BRF1: variants seen among roughly 807,000 people sequenced by gnomAD.
The protein encoded by BRF1 is BRF1 general transcription factor IIIB subunit.
BRF1 carries 59 observed loss-of-function variants against 81.7 expected under a neutral mutation model. The observed-to-expected ratio is 0.72, with a 90% CI of 0.59 to 0.90. The LOEUF (loss-of-function observed/expected upper bound fraction) is 0.90. BRF1 is among the 40% of genes least tolerant of loss of function. The pLI, the probability that BRF1 is intolerant of heterozygous loss-of-function variation, is 0.00. For missense variants in BRF1, 1,050 were observed against 936.3 expected (o/e 1.12, Z -1.58); for synonymous variants, 491 against 395.6 (o/e 1.24, Z -2.86).
rs775957397 is a variant in BRF1, at chr14:105,209,652, T to TG, written c.*898dup. On this transcript the variant is annotated 3_prime_UTR_variant, in exon 18 of 18. Coordinates refer to ENST00000547530, the MANE Select transcript of BRF1 (RefSeq NM_001519.4). ...GCCTCCGTCTGCCCTCCCTCCTCGA[T>TG]GGGGGGCCTGATCCAGCTCTGACAG... The TG allele has an allele frequency of 7.9e-5, 54 of 683,580 alleles. 1 individual carries two copies. The South Asian group carries it at 8.1e-4, about 10-fold the overall frequency. 42.3% of individuals were successfully genotyped at this position (683,580 alleles called of 1,614,324 possible).
chr14:105,254,678 C>T (rs2055778995), intron 4 of BRF1, among the ~76,000 whole-genome samples: 1 of 152,182 alleles, frequency 6.6e-6, no homozygotes. Context: ...TCTCCTGTCT[C>T]ACCCTCCTAA....
At chr14:105,294,037 C>T (rs1041480086) in intron 1 of BRF1, among the ~76,000 whole-genome samples, 1 of 152,162 alleles carries the variant, frequency 6.6e-6, no homozygotes, top group Non-Finnish European at 1.5e-5. Flanking sequence ...TGAGAAGCCA[C>T]CAAGGTTTCC....
At chr14:105,279,435 C>T (rs1407846866) in intron 2 of BRF1, among the ~76,000 whole-genome samples, 2 of 152,178 alleles carry the variant, frequency 1.3e-5, no homozygotes, top group African/African-American at 4.8e-5. Flanking sequence ...GTCCCAACAG[C>T]CAAGAAGCAT....
At chr14:105,245,080 C>G (rs1037001925) in intron 5 of BRF1, among the ~76,000 whole-genome samples, 2 of 152,178 alleles carry the variant, frequency 1.3e-5, no homozygotes, top group African/African-American at 4.8e-5. Context: ...AGCAATGGGT[C>G]AGGCGTGGTG....
At chr14:105,249,751 G>C in intron 5 of BRF1, 1 of 1,613,914 alleles carries the variant, frequency 6.2e-7, no homozygotes, top group Non-Finnish European at 8.5e-7. Flanking sequence ...TCAACTTTCT[G>C]GAGACAAGTT....
chr14:105,245,996 G>C (rs187742938), intron 5 of BRF1, among the ~76,000 whole-genome samples: 122 of 152,316 alleles, frequency 8.0e-4, no homozygotes, highest in Non-Finnish European at 1.5e-3. Context: ...TAGAATGGAA[G>C]AGACTATGTG....
At chr14:105,272,354 C>T (rs1354430562) in intron 3 of BRF1, among the ~76,000 whole-genome samples, 2 of 152,234 alleles carry the variant, frequency 1.3e-5, no homozygotes, top group African/African-American at 2.4e-5. Context: ...TCAGCAACAG[C>T]ACCCCACCTG....
At chr14:105,294,659 G>A (rs2057662241) in intron 1 of BRF1, among the ~76,000 whole-genome samples, 1 of 152,128 alleles carries the variant, frequency 6.6e-6, no homozygotes, top group Non-Finnish European at 1.5e-5. Flanking sequence ...TGAAGCCCAA[G>A]CCAGTTCTTA....
At chr14:105,211,692 C>A (rs1025391836) in intron 16 of BRF1, 4 of 351,290 alleles carry the variant, frequency 1.1e-5, no homozygotes, top group Non-Finnish European at 2.1e-5. Context: ...GCCCCAGCCC[C>A]CGCCACCTGC....
chr14:105,245,368 AT>A (rs1362928213), intron 5 of BRF1, among the ~76,000 whole-genome samples: 1 of 152,104 alleles, frequency 6.6e-6, no homozygotes, highest in Non-Finnish European at 1.5e-5. Context: ...CTCAAAAAAA[AT>A]AAATAAATAA....
At chr14:105,268,039 G>A (rs998286447) in intron 3 of BRF1, among the ~76,000 whole-genome samples, 10 of 152,074 alleles carry the variant, frequency 6.6e-5, no homozygotes, top group African/African-American at 2.4e-4. Flanking sequence ...GTGGGGACAG[G>A]TGATGGCACC....
intron 5 of BRF1, among the ~76,000 whole-genome samples, chr14:105,251,954 C>A (rs587720169): frequency 6.6e-6 from 1 of 152,070 alleles, no homozygotes; most frequent in Non-Finnish European, 1.5e-5. Flanking sequence ...CAAACTCGCA[C>A]ACAACACAGA....
intron 5 of BRF1, chr14:105,248,869 A>G: frequency 1.0e-6 from 1 of 987,892 alleles, no homozygotes; most frequent in Non-Finnish European, 1.2e-6. Flanking sequence ...CCGCCCGCGA[A>G]GATGGCGGCG....
At chr14:105,248,539 T>C (rs955989799) in intron 5 of BRF1, 37 of 865,194 alleles carry the variant, frequency 4.3e-5, no homozygotes, top group Non-Finnish European at 4.7e-5. Context: ...TGACGCAGCG[T>C]GACGCACCGG....
chr14:105,220,318 G>A (rs1349315235), intron 11 of BRF1, among the ~76,000 whole-genome samples, 188 bp from the exon 12 acceptor site: 1 of 152,164 alleles, frequency 6.6e-6, no homozygotes, highest in East Asian at 1.9e-4. Context: ...GCCTAGCTCA[G>A]GACACTAAGC....
At chr14:105,216,060 GCACA>G (rs587602022) in intron 15 of BRF1, among the ~76,000 whole-genome samples, 1,869 of 137,228 alleles carry the variant, frequency 0.014, 21 homozygotes, top group African/African-American at 0.03. Flanking sequence ...ACAGACACAG[GCACA>G]CACACACACA....
At chr14:105,249,405 G>C in intron 5 of BRF1, 1 of 1,613,484 alleles carries the variant, frequency 6.2e-7, no homozygotes, top group Non-Finnish European at 8.5e-7. Context: ...CATGTTCTAC[G>C]GAGACCTGGC....
chr14:105,226,796 G>A, intron 7 of BRF1, 36 bp from the exon 8 acceptor site: 2 of 1,612,414 alleles, frequency 1.2e-6, no homozygotes, highest in Non-Finnish European at 1.7e-6. Flanking sequence ...TGGAGCTGGT[G>A]GCTCTGAAAC....
intron 1 of BRF1, among the ~76,000 whole-genome samples, chr14:105,308,528 G>A (rs1430391090): frequency 1.0e-4 from 15 of 150,026 alleles, no homozygotes; most frequent in African/African-American, 3.2e-4. Context: ...TGTCGTCCGG[G>A]CTGGAGTGCA....
Sources: gnomAD v4.1 joint callset for allele counts (sites outside exome capture counted in the v4.1 genomes callset) on GRCh38, gnomAD v4.1.1 for gene constraint, MANE v1.5 for transcripts, NCBI Gene and HGNC (gene_info 2026-07-23, HGNC 2026-07-21) for gene names.